The following RASGRF2 variants were observed in gnomAD, a reference collection of about 807,000 sequenced individuals.
RASGRF2 encodes ras-specific guanine nucleotide-releasing factor 2.
RASGRF2 carries 76 observed loss-of-function variants against 151.0 expected under a neutral mutation model. The observed-to-expected ratio is 0.50, with a 90% CI of 0.42 to 0.61. The LOEUF (loss-of-function observed/expected upper bound fraction) is 0.61, where lower values mean the gene tolerates loss of function less well. RASGRF2 is among the 20% of genes least tolerant of loss of function. RASGRF2 has a pLI of 0.00. For synonymous variants in RASGRF2, 504 were observed against 566.5 expected (o/e 0.89, Z 1.57); for missense variants, 1,148 against 1,564.6 (o/e 0.73, Z 4.49).
At chr5:81,053,097 A>G (rs1180118316) in intron 2 of RASGRF2, among the ~76,000 whole-genome samples, 1 of 152,150 alleles carries the variant, frequency 6.6e-6, no homozygotes, top group African/African-American at 2.4e-5. Flanking sequence ...TAATTAAGAA[A>G]TAAAGCCCAC....
chr5:81,206,327 C>G (rs28539026), intron 19 of RASGRF2, among the ~76,000 whole-genome samples: 1 of 152,076 alleles, frequency 6.6e-6, no homozygotes, highest in Non-Finnish European at 1.5e-5. Context: ...TCTGCTGGCT[C>G]CTGCCTGGCA....
chr5:81,223,729 C>T (rs1755912418), intron 26 of RASGRF2, among the ~76,000 whole-genome samples: 1 of 151,570 alleles, frequency 6.6e-6, no homozygotes, highest in South Asian at 2.1e-4. Flanking sequence ...TTTAGTCTAC[C>T]TGAAAATCTA....
intron 1 of RASGRF2, among the ~76,000 whole-genome samples, chr5:81,042,594 C>T (rs756280655): frequency 1.3e-5 from 2 of 152,110 alleles, no homozygotes; most frequent in African/African-American, 2.4e-5. Flanking sequence ...TCTGCATAGC[C>T]GAATTTGTGC....
intron 17 of RASGRF2, among the ~76,000 whole-genome samples, chr5:81,138,720 G>A (rs564319590): frequency 1.5e-4 from 22 of 151,446 alleles, no homozygotes; most frequent in African/African-American, 5.1e-4. Context: ...CGGTTCCAGC[G>A]ACTTCAGCTC....
intron 17 of RASGRF2, among the ~76,000 whole-genome samples, chr5:81,175,263 A>G (rs1429092957): frequency 1.3e-5 from 2 of 152,178 alleles, no homozygotes; most frequent in Non-Finnish European, 2.9e-5. Flanking sequence ...GGCAATTGTT[A>G]TTATTGCCTT....
intron 1 of RASGRF2, among the ~76,000 whole-genome samples, chr5:81,035,199 C>T (rs1201784540): frequency 1.3e-5 from 2 of 152,124 alleles, no homozygotes; most frequent in East Asian, 3.9e-4. Flanking sequence ...ATAGCAAAGA[C>T]TTGGAACCAA....
intron 20 of RASGRF2, 86 bp from the exon 21 acceptor site, chr5:81,207,160 C>T: frequency 1.8e-6 from 2 of 1,118,044 alleles, no homozygotes; most frequent in Non-Finnish European, 2.6e-6. Flanking sequence ...TGCTTCCACA[C>T]ATGCAGCTGT....
chr5:81,062,941 T>C (rs1209500104), intron 2 of RASGRF2, among the ~76,000 whole-genome samples: 1 of 152,204 alleles, frequency 6.6e-6, no homozygotes, highest in African/African-American at 2.4e-5. Flanking sequence ...CTGTGTATTG[T>C]TTATTGTTTT....
intron 25 of RASGRF2, among the ~76,000 whole-genome samples, chr5:81,217,744 A>AT (rs201096563): frequency 0.11 from 13,803 of 129,022 alleles, 785 homozygotes; most frequent in East Asian, 0.2. Flanking sequence ...TGCCCAGCTA[A>AT]TTTTTTTTTT....
At position 81,228,308 on chromosome 5, in the gene RASGRF2, G is replaced by A. The variant is rs776822985; in HGVS notation, c.*2538G>A. 6.6e-6 allele frequency: 1 copy of A among 152,268 alleles called. No homozygotes were observed. 9.4% of individuals were successfully genotyped at this position (152,268 alleles called of 1,614,324 possible). ...GGGCAAGAGAGAGAGCTCCACCTCT[G>A]AGGGAGTGTCTGTTGATGACCTGCA... On this transcript the variant is annotated 3_prime_UTR_variant, in exon 27 of 27. Transcript: ENST00000265080.
At chr5:80,996,289 A>T (rs1400272312) in intron 1 of RASGRF2, among the ~76,000 whole-genome samples, 1 of 152,074 alleles carries the variant, frequency 6.6e-6, no homozygotes, top group Admixed American at 6.6e-5. Context: ...AGGCATGACC[A>T]GTTAAGTTAT....
intron 18 of RASGRF2, among the ~76,000 whole-genome samples, chr5:81,200,009 G>T (rs1580400673): frequency 6.6e-6 from 1 of 151,748 alleles, no homozygotes; most frequent in African/African-American, 2.4e-5. Context: ...AGTGGCTCAC[G>T]GTCGTAATCC....
At chr5:81,107,343 C>A (rs1309596221) in intron 12 of RASGRF2, among the ~76,000 whole-genome samples, 2 of 152,024 alleles carry the variant, frequency 1.3e-5, no homozygotes, top group Non-Finnish European at 2.9e-5. Flanking sequence ...GCCTAGGCAA[C>A]AGAATGACAG....
intron 22 of RASGRF2, 96 bp downstream of exon 22, chr5:81,208,534 C>CTTTTTTTTTTTTTTTTTTTTTTTTTT (rs71000806): frequency 4.3e-6 from 1 of 233,326 alleles, no homozygotes; most frequent in Non-Finnish European, 7.3e-6. Flanking sequence ...CTGTCACCCA[C>CTTTTTTTTTTTTTTTTTTTTTTTTTT]TTTTTTTTTT....
chr5:81,032,126 A>G (rs1750276659), intron 1 of RASGRF2, among the ~76,000 whole-genome samples: 1 of 152,238 alleles, frequency 6.6e-6, no homozygotes, highest in African/African-American at 2.4e-5. Flanking sequence ...GAATAGACCA[A>G]TAACAGGCTC....
chr5:81,086,572 C>T (rs1752234069), intron 8 of RASGRF2, among the ~76,000 whole-genome samples: 1 of 152,194 alleles, frequency 6.6e-6, no homozygotes, highest in African/African-American at 2.4e-5. Context: ...TGACATGTTG[C>T]TTTCCTGTTG....
At chr5:81,070,687 T>G (rs1057038598) in intron 4 of RASGRF2, 106 bp downstream of exon 4, 25 of 909,954 alleles carry the variant, frequency 2.7e-5, no homozygotes, top group Middle Eastern at 2.3e-4. Context: ...GCCTTGGTGT[T>G]TCTGGGCTAT....
rs760231046 is a variant in RASGRF2, at chr5:81,113,595, T to A, written c.2145T>A (p.Asp715Glu). Residue 715 changes from aspartate to glutamate, a missense_variant, in exon 15 of 27, where the codon GAT becomes GAA. Transcript: ENST00000265080. ...ACAACAGAGGTGAACATTTGGTGGA[T>A]GGCAAATCCCCACGTCTGTGTCGCA... ...SQNNRGEHLV[D>E]GKSPRLCRKF... 6.2e-7 allele frequency: 1 copy of A among 1,608,282 alleles called. No homozygotes were observed. The highest frequency in any genetic ancestry group is 1.7e-5 in the Admixed American group (1 of 59,998).
chr5:81,049,276 A>C (rs1278614810), intron 2 of RASGRF2, among the ~76,000 whole-genome samples: 3 of 152,026 alleles, frequency 2.0e-5, no homozygotes, highest in African/African-American at 4.8e-5. Flanking sequence ...TTTACTGGTA[A>C]CAGTTTGGAG....
Sources: allele counts gnomAD v4.1 joint callset (sites outside exome capture counted in the v4.1 genomes callset), GRCh38; gene constraint gnomAD v4.1.1; transcripts MANE v1.5; gene names NCBI Gene and HGNC (gene_info 2026-07-23, HGNC 2026-07-21).